CTIF: variants seen among roughly 807,000 people sequenced by gnomAD.
The protein encoded by CTIF is cap binding complex dependent translation initiation factor, also known as CBP80/20-dependent translation initiation factor.
CTIF carries 21 observed loss-of-function variants against 66.0 expected under a neutral mutation model. The observed-to-expected ratio is 0.32, with a 90% CI of 0.23 to 0.46. The LOEUF (loss-of-function observed/expected upper bound fraction) is 0.46, where lower values mean the gene tolerates loss of function less well. CTIF is among the 20% of genes least tolerant of loss of function. The pLI, the probability that CTIF is intolerant of heterozygous loss-of-function variation, is 1.00. For synonymous variants in CTIF, 345 were observed against 326.4 expected, an observed-to-expected ratio of 1.06 and a Z score of -0.62; for missense variants, 739 against 812.7, an observed-to-expected ratio of 0.91 and a Z score of 1.10.
chr18:48,761,752 C>T lies in CTIF; in HGVS notation c.1371+63C>T. 2.7e-6 allele frequency: 4 copies of T among 1,495,370 alleles called. No homozygotes were observed. Among genetic ancestry groups the T allele is most frequent in the Non-Finnish European group, 3.7e-6 (4 of 1,095,794 alleles). The allele number at this position is 1,495,370 out of a possible 1,614,324, so 92.6% of individuals were successfully genotyped here. On this transcript the variant is annotated intron_variant, in intron 9 of 11. Coordinates refer to ENST00000256413, the MANE Select transcript of CTIF (RefSeq NM_014772.3). The surrounding 1 kb of genome is among the most constrained non-coding windows in gnomAD (Gnocchi z 4.2). Reference sequence around the variant, plus strand: ...GCCCCTCTGCGTTCGGTGAGTTATTCCTAGCGAGAAGGCTGCGAGTTCTGG... The same window carrying T: ...GCCCCTCTGCGTTCGGTGAGTTATTTCTAGCGAGAAGGCTGCGAGTTCTGG...
chr18:48,853,089 C>A (rs942737136), intron 10 of CTIF, among the ~76,000 whole-genome samples: 1 of 152,152 alleles, frequency 6.6e-6, no homozygotes. Flanking sequence ...CTCAGCTGGG[C>A]GAGTTTTCTC....
intron 7 of CTIF, among the ~76,000 whole-genome samples, chr18:48,735,535 T>C (rs1331205869): frequency 6.6e-6 from 1 of 151,864 alleles, no homozygotes; most frequent in Non-Finnish European, 1.5e-5. Flanking sequence ...AGGAAGCAAG[T>C]GCATGCTTGA....
intron 10 of CTIF, among the ~76,000 whole-genome samples, chr18:48,837,312 C>G (rs886515450): frequency 2.0e-5 from 3 of 152,120 alleles, no homozygotes; most frequent in Non-Finnish European, 4.4e-5. Flanking sequence ...AGGGGGCTGT[C>G]TAAGGCCCAT....
At chr18:48,601,371 C>T (rs544692852) in intron 1 of CTIF, among the ~76,000 whole-genome samples, 37 of 152,302 alleles carry the variant, frequency 2.4e-4, no homozygotes, top group Non-Finnish European at 3.8e-4. Flanking sequence ...ATATTCTGTG[C>T]GTGCACAACA....
At chr18:48,588,463 C>T (rs2089818725) in intron 1 of CTIF, among the ~76,000 whole-genome samples, 1 of 152,220 alleles carries the variant, frequency 6.6e-6, no homozygotes, top group African/African-American at 2.4e-5. Context: ...GACCTCTGGA[C>T]CTCAGATGTC....
At chr18:48,738,701 A>T (rs2092526842) in intron 7 of CTIF, among the ~76,000 whole-genome samples, 1 of 152,156 alleles carries the variant, frequency 6.6e-6, no homozygotes, top group Admixed American at 6.5e-5. Context: ...CAGCATTCCC[A>T]GTTCTTCCAG....
chr18:48,731,522 C>T (rs1359357415), intron 7 of CTIF, among the ~76,000 whole-genome samples: 1 of 152,186 alleles, frequency 6.6e-6, no homozygotes, highest in African/African-American at 2.4e-5. Flanking sequence ...AACCACATCT[C>T]AACAATGTCT....
At chr18:48,685,730 G>A (rs1204106190) in intron 6 of CTIF, among the ~76,000 whole-genome samples, 4 of 151,808 alleles carry the variant, frequency 2.6e-5, no homozygotes, top group Admixed American at 2.6e-4. Context: ...AGGCTGAAGT[G>A]GAGTGGTGCG....
intron 3 of CTIF, chr18:48,662,304 T>C (rs529919682): frequency 2.6e-5 from 4 of 152,268 alleles, no homozygotes; most frequent in Non-Finnish European, 4.4e-5. Context: ...ATGTGGCTGA[T>C]CTGCTAGAAA....
At chr18:48,803,006 G>T (rs544308012) in intron 9 of CTIF, among the ~76,000 whole-genome samples, 1 of 152,214 alleles carries the variant, frequency 6.6e-6, no homozygotes. Context: ...AAGGCTTCGC[G>T]CCTGCCTAAG....
intron 9 of CTIF, among the ~76,000 whole-genome samples, chr18:48,807,333 T>C (rs1217403229): frequency 6.6e-6 from 1 of 152,166 alleles, no homozygotes; most frequent in African/African-American, 2.4e-5. Flanking sequence ...TTTCTGATTA[T>C]AAAGAGAAAC....
chr18:48,575,778 GCCGCA>G (rs1184677303), intron 1 of CTIF, among the ~76,000 whole-genome samples: 1 of 152,226 alleles, frequency 6.6e-6, no homozygotes, highest in Non-Finnish European at 1.5e-5. Context: ...CTGGGCTGTG[GCCGCA>G]ACCCCAAGCC....
intron 7 of CTIF, among the ~76,000 whole-genome samples, chr18:48,752,198 C>A (rs1238494475): frequency 6.6e-6 from 1 of 152,226 alleles, no homozygotes; most frequent in Non-Finnish European, 1.5e-5. Context: ...GCAAAGAGAG[C>A]CACAAAATCT....
chr18:48,839,840 T>TG (rs10716298), intron 10 of CTIF, among the ~76,000 whole-genome samples: 5 of 152,066 alleles, frequency 3.3e-5, no homozygotes, highest in Non-Finnish European at 7.4e-5. Context: ...TTTATGTCAC[T>TG]GGGGGGCTGC....
rs778137644 is a variant in CTIF, at chr18:48,758,249, G to C, written c.915G>C (p.Pro305=). 2 of 1,613,434 alleles carry C rather than the reference G, an allele frequency of 1.2e-6. No individual in the cohort carries two copies. The highest frequency in any genetic ancestry group is 8.5e-7 in the Non-Finnish European group (1 of 1,179,774). Residue 305 remains proline, a synonymous_variant, in exon 8 of 12, where the codon CCG becomes CCC. Coordinates refer to ENST00000256413, the MANE Select transcript of CTIF (RefSeq NM_014772.3). The part of the protein sequence containing the change: ...EAPRSPDTLA[P]VASERLPPQQ... Reference sequence around the variant, plus strand: ...CCCGCAGCCCTGACACCCTGGCCCCGGTGGCTTCTGAGCGGCTGCCCCCAC... The same window carrying C: ...CCCGCAGCCCTGACACCCTGGCCCCCGTGGCTTCTGAGCGGCTGCCCCCAC...
Position 48,664,938 on chromosome 18 carries a change from C to T in CTIF, c.431+387C>T, listed in dbSNP as rs367726011. On this transcript the variant is annotated intron_variant, in intron 5 of 11. Transcript: ENST00000256413. ...TTTTTTTTTTTTTGAGACGGAGTCT[C>T]GCTCTGTCGCCCAGGCCGGACTGCG... Among the ~76,000 whole-genome samples, 116 of 143,652 alleles carry T rather than the reference C, an allele frequency of 8.1e-4. 2 individuals are homozygous for T. Among genetic ancestry groups the T allele is most frequent in the African/African-American group, 2.9e-3 (112 of 38,456 alleles). The allele number at this position is 143,652 out of a possible 152,430, so 94.2% of individuals were successfully genotyped here.
chr18:48,541,197 G>A (rs1292110508), intron 1 of CTIF, among the ~76,000 whole-genome samples: 1 of 152,108 alleles, frequency 6.6e-6, no homozygotes, highest in Non-Finnish European at 1.5e-5. Context: ...TCTGGGGACA[G>A]TGGGAGCCCA....
At chr18:48,608,908 C>T (rs1381988960) in intron 1 of CTIF, among the ~76,000 whole-genome samples, 2 of 152,234 alleles carry the variant, frequency 1.3e-5, no homozygotes, top group South Asian at 2.1e-4. Flanking sequence ...AGGCCTGGAG[C>T]GCTGCTGCCA....
At chr18:48,668,103 G>A (rs2091465086) in intron 5 of CTIF, among the ~76,000 whole-genome samples, 1 of 152,246 alleles carries the variant, frequency 6.6e-6, no homozygotes, top group African/African-American at 2.4e-5. Flanking sequence ...CCTCTGGGGA[G>A]ATCTGAGCCC....
Sources: allele counts gnomAD v4.1 joint callset (sites outside exome capture counted in the v4.1 genomes callset), GRCh38; gene constraint gnomAD v4.1.1; non-coding constraint Gnocchi (gnomAD v3.1); transcripts MANE v1.5; gene names NCBI Gene and HGNC (gene_info 2026-07-23, HGNC 2026-07-21).